The following ARHGEF26 variants were observed in gnomAD, a reference collection of about 807,000 sequenced individuals.
ARHGEF26 encodes Rho guanine nucleotide exchange factor (GEF) 26.
A neutral mutation model predicts 89.4 loss-of-function variants in ARHGEF26; 59 were observed. That is an observed-to-expected ratio of 0.66 (90% CI 0.54 to 0.82). The LOEUF (loss-of-function observed/expected upper bound fraction) is 0.82, where lower values mean the gene tolerates loss of function less well. ARHGEF26 is among the 40% of genes least tolerant of loss of function. The pLI, the probability that ARHGEF26 is intolerant of heterozygous loss-of-function variation, is 0.00. For missense variants in ARHGEF26, 1,234 were observed against 1,085.6 expected, an observed-to-expected ratio of 1.14 and a Z score of -1.92; for synonymous variants, 500 against 428.4, an observed-to-expected ratio of 1.17 and a Z score of -2.06.
chr3:154,221,704 G>A (rs1218560450), intron 10 of ARHGEF26, among the ~76,000 whole-genome samples: 2 of 152,156 alleles, frequency 1.3e-5, no homozygotes, highest in Admixed American at 6.5e-5. Flanking sequence ...AATGAAAAAA[G>A]TAAGGTTTAG....
rs34090306 is a variant in ARHGEF26, at chr3:154,140,588, C to CTT, written c.1270-8786_1270-8785dup. Among the ~76,000 whole-genome samples the CTT allele has an allele frequency of 3.8e-3, 514 of 134,826 alleles. 9 individuals carry two copies. Among genetic ancestry groups the CTT allele is most frequent in the Middle Eastern group, 0.012 (3 of 254 alleles). 88.5% of individuals were successfully genotyped at this position (134,826 alleles called of 152,430 possible). On this transcript the variant is annotated intron_variant, in intron 4 of 14. Transcript: ENST00000465093. ...CCTGAATACTCAGGGTTTCTGAGTG[C>CTT]TTTTTTTTTTTTTTTTGAGATAGTC...
intron 2 of ARHGEF26, 87 bp downstream of exon 2, chr3:154,123,162 C>T (rs1718105933): frequency 2.0e-6 from 3 of 1,527,538 alleles, no homozygotes; most frequent in East Asian, 4.6e-5. Context: ...AGAGGAAACC[C>T]GAAGAAGTCA....
At chr3:154,222,906 G>C (rs959684154) in intron 10 of ARHGEF26, among the ~76,000 whole-genome samples, 1 of 152,140 alleles carries the variant, frequency 6.6e-6, no homozygotes, top group Admixed American at 6.5e-5. Flanking sequence ...GAAGACAGGA[G>C]AGCTTATCCT....
intron 11 of ARHGEF26, among the ~76,000 whole-genome samples, chr3:154,239,534 A>C (rs373337010): frequency 3.3e-5 from 5 of 152,094 alleles, no homozygotes; most frequent in African/African-American, 1.2e-4. Context: ...GCAAGCAGGC[A>C]GAGAGCTCTC....
At chr3:154,248,972 A>G (rs1289197395) in intron 12 of ARHGEF26, among the ~76,000 whole-genome samples, 1 of 152,170 alleles carries the variant, frequency 6.6e-6, no homozygotes, top group East Asian at 1.9e-4. Context: ...AGAAACAACT[A>G]TCTTCACAAT....
In ARHGEF26 at chr3:154,152,761, C is replaced by A; in HGVS notation, c.1327-11C>A. 1 of 1,429,294 alleles carries A rather than the reference C, an allele frequency of 7.0e-7. No individual in the cohort carries two copies. Among genetic ancestry groups the A allele is most frequent in the South Asian group, 1.7e-5 (1 of 59,240 alleles). 88.5% of individuals were successfully genotyped at this position (1,429,294 alleles called of 1,614,324 possible). A position where few individuals can be genotyped will look rare whatever the true frequency, so the allele number is the denominator to read the frequency against. On this transcript the variant is annotated splice_polypyrimidine_tract_variant and intron_variant, in intron 5 of 14. Coordinates refer to ENST00000465093, the MANE Select transcript of ARHGEF26 (RefSeq NM_015595.4). Reference sequence around the variant, plus strand: ...AGAATTAATAATACATTTCTTTTTCCTTCTTACCAGGCTATCTTTGAAGTC... The same window carrying A: ...AGAATTAATAATACATTTCTTTTTCATTCTTACCAGGCTATCTTTGAAGTC...
intron 10 of ARHGEF26, 86 bp downstream of exon 10, chr3:154,218,044 G>A (rs1715891751): frequency 1.6e-6 from 2 of 1,222,854 alleles, no homozygotes; most frequent in African/African-American, 1.5e-5. Context: ...AAGTAGATAG[G>A]AAATTGCTTT....
At chr3:154,184,093 C>G (rs1471719589) in intron 6 of ARHGEF26, among the ~76,000 whole-genome samples, 1 of 151,884 alleles carries the variant, frequency 6.6e-6, no homozygotes, top group Non-Finnish European at 1.5e-5. Context: ...CTGCCGCAGC[C>G]TCCCGAGTAG....
chr3:154,123,239 C>T (rs1000939421), intron 2 of ARHGEF26, among the ~76,000 whole-genome samples, 164 bp downstream of exon 2: 7 of 152,170 alleles, frequency 4.6e-5, no homozygotes, highest in African/African-American at 1.4e-4. Context: ...CACTTTGATG[C>T]TGGCAGGCAC....
chr3:154,181,284 A>G (rs1308606204), intron 6 of ARHGEF26, among the ~76,000 whole-genome samples: 1 of 152,190 alleles, frequency 6.6e-6, no homozygotes, highest in African/African-American at 2.4e-5. Flanking sequence ...TGTTTAGGGA[A>G]GATATTTTAT....
chr3:154,225,057 TA>T (rs33997555), intron 10 of ARHGEF26, among the ~76,000 whole-genome samples: 74,010 of 149,022 alleles, frequency 0.5, 18,331 homozygotes, highest in Non-Finnish European at 0.53. Context: ...TCTGGTAACT[TA>T]AAAAAAAAAA....
intron 11 of ARHGEF26, among the ~76,000 whole-genome samples, chr3:154,236,752 A>G (rs1197736230): frequency 6.6e-6 from 1 of 152,198 alleles, no homozygotes; most frequent in African/African-American, 2.4e-5. Context: ...CTGAAGCACT[A>G]CTGTTAAATG....
At chr3:154,179,748 C>T (rs534157425) in intron 6 of ARHGEF26, among the ~76,000 whole-genome samples, 24 of 152,142 alleles carry the variant, frequency 1.6e-4, no homozygotes, top group African/African-American at 3.9e-4. Flanking sequence ...ACAAGGGACC[C>T]GTATGCAGAT....
intron 11 of ARHGEF26, among the ~76,000 whole-genome samples, chr3:154,239,283 AGAGAGAGAGAGAGAGAGTGTGTGTGT>A (rs1717322705): frequency 3.8e-5 from 4 of 104,160 alleles, no homozygotes; most frequent in Middle Eastern, 9.9e-3. Flanking sequence ...AGAGAGAGAG[AGAGAGAGAGAGAGAGAGTGTGTGTGT>A]GTGTGTGTGT....
Position 154,239,289 on chromosome 3 carries a change from A to AGTGTGTGT in ARHGEF26, c.2091-1080_2091-1079insTGTGTGTG, listed in dbSNP as rs1717328853. ...GAGAGAGAGAGAGAGAGAGAGAGAG[A>AGTGTGTGT]GAGAGAGAGAGTGTGTGTGTGTGTG... is the stretch of plus-strand genomic sequence containing the variant. On this transcript the variant is annotated intron_variant, in intron 11 of 14. Transcript: ENST00000465093. Among the ~76,000 whole-genome samples the AGTGTGTGT allele has an allele frequency of 3.9e-5, 4 of 103,690 alleles. No homozygotes were observed. The East Asian group carries it at 1.2e-3, about 31-fold the overall frequency. 68.0% of individuals were successfully genotyped at this position (103,690 alleles called of 152,430 possible).
At chr3:154,135,497 G>A (rs1264021706) in intron 4 of ARHGEF26, among the ~76,000 whole-genome samples, 2 of 152,114 alleles carry the variant, frequency 1.3e-5, no homozygotes, top group Non-Finnish European at 2.9e-5. Flanking sequence ...GGGATTTGAG[G>A]TTTTGAAACC....
intron 5 of ARHGEF26, among the ~76,000 whole-genome samples, chr3:154,149,943 G>T (rs889967507): frequency 6.7e-6 from 1 of 148,540 alleles, no homozygotes; most frequent in Non-Finnish European, 1.5e-5. Flanking sequence ...AAAAAAACAG[G>T]TTAATAATGC....
At chr3:154,188,869 A>G (rs1040408369) in intron 7 of ARHGEF26, among the ~76,000 whole-genome samples, 8 of 152,188 alleles carry the variant, frequency 5.3e-5, no homozygotes, top group Admixed American at 1.3e-4. Context: ...GCTAACCCCA[A>G]TGAGATTTTT....
intron 9 of ARHGEF26, among the ~76,000 whole-genome samples, chr3:154,207,489 A>G (rs143197120): frequency 6.6e-6 from 1 of 152,290 alleles, no homozygotes; most frequent in African/African-American, 2.4e-5. Context: ...GCCAACAAAC[A>G]TATAAAAAAA....
Sources: allele counts gnomAD v4.1 joint callset (sites outside exome capture counted in the v4.1 genomes callset), GRCh38; gene constraint gnomAD v4.1.1; transcripts MANE v1.5; gene names NCBI Gene and HGNC (gene_info 2026-07-23, HGNC 2026-07-21).